The following TUSC3 variants were observed in gnomAD, a reference collection of about 807,000 sequenced individuals.
The protein encoded by TUSC3 is dolichyl-diphosphooligosaccharide--protein glycosyltransferase subunit TUSC3.
In TUSC3, 45 loss-of-function variants were observed where a neutral mutation model predicts 44.8. The observed-to-expected ratio is 1.00, with a 90% confidence interval of 0.79 to 1.29. The LOEUF (loss-of-function observed/expected upper bound fraction) is 1.29. TUSC3 is among the 50% of genes most tolerant of loss of function. TUSC3 has a pLI of 0.00. For synonymous variants in TUSC3, 212 were observed against 152.9 expected (o/e 1.39, Z -2.85); for missense variants, 519 against 437.9 (o/e 1.19, Z -1.65).
chr8:15,707,869 G>A (rs1018519637), intron 6 of TUSC3, among the ~76,000 whole-genome samples: 1 of 151,794 alleles, frequency 6.6e-6, no homozygotes, highest in Admixed American at 6.6e-5. Flanking sequence ...TTTTTTTGGA[G>A]GTTCTAAGGA....
intron 9 of TUSC3, chr8:15,748,717 T>G (rs1439353131): frequency 1.1e-5 from 7 of 617,396 alleles, no homozygotes; most frequent in Non-Finnish European, 1.8e-5. Context: ...ACAAATGAGG[T>G]TTAAGCTCAT....
At chr8:15,473,439 C>A (rs1800523235) in intron 1 of TUSC3, among the ~76,000 whole-genome samples, 1 of 152,182 alleles carries the variant, frequency 6.6e-6, no homozygotes, top group African/African-American at 2.4e-5. Flanking sequence ...ATTTGCTCTT[C>A]AACTTGAAGT....
Position 15,766,515 on chromosome 8 carries a change from G to C in TUSC3, c.*2359G>C, listed in dbSNP as rs1812330406. On this transcript the variant is annotated 3_prime_UTR_variant, in exon 11 of 11. Transcript: ENST00000503731. ...TAACAATTGTTTTTCTACTACAGTG[G>C]AGAGAAAAATCCCAATTATAAAATT... 7.1e-6 allele frequency: 1 copy of C among 141,720 alleles called. No individual in the cohort carries two copies. The allele number at this position is 141,720 out of a possible 1,614,324, so 8.8% of individuals were successfully genotyped here.
At chr8:15,690,298 T>A (rs969993300) in intron 6 of TUSC3, among the ~76,000 whole-genome samples, 1 of 152,180 alleles carries the variant, frequency 6.6e-6, no homozygotes, top group African/African-American at 2.4e-5. Flanking sequence ...GTGGGCCACA[T>A]GTATGTCTGC....
At chr8:15,424,617 A>T (rs1276032025) in intron 1 of TUSC3, among the ~76,000 whole-genome samples, 1 of 152,164 alleles carries the variant, frequency 6.6e-6, no homozygotes, top group African/African-American at 2.4e-5. Context: ...GCGGTGGCTT[A>T]CGCCTGTAAT....
chr8:15,591,158 G>A (rs1031267576), intron 1 of TUSC3, among the ~76,000 whole-genome samples: 1 of 152,056 alleles, frequency 6.6e-6, no homozygotes, highest in Non-Finnish European at 1.5e-5. Context: ...AATATTTGAA[G>A]ATTTAAAAGT....
In TUSC3 at chr8:15,551,285, G is replaced by C. The variant is rs568786952; in HGVS notation, c.138+10717G>C. On this transcript the variant is annotated intron_variant, in intron 1 of 10. Transcript: ENST00000503731. ...AGAGTAGACTTTTAGATCCTTTCTA[G>C]ATTTTTAAGATTATATAAAATATGG... is the stretch of plus-strand genomic sequence containing the variant. Among the ~76,000 whole-genome samples, 17 of 151,696 alleles carry C rather than the reference G, an allele frequency of 1.1e-4. 1 individual carries two copies. In the South Asian group the frequency reaches 3.1e-3, roughly 28 times the overall value.
At chr8:15,496,341 C>T (rs374576977) in intron 2 of TUSC3, among the ~76,000 whole-genome samples, 4 of 152,164 alleles carry the variant, frequency 2.6e-5, no homozygotes, top group African/African-American at 4.8e-5. Context: ...AATTATTCCA[C>T]GCCTCTAGGG....
intron 9 of TUSC3, among the ~76,000 whole-genome samples, chr8:15,756,146 G>A (rs1433012943): frequency 6.6e-6 from 1 of 152,186 alleles, no homozygotes; most frequent in African/African-American, 2.4e-5. Flanking sequence ...CTGTGTATTA[G>A]CTAGAGCTCT....
the TUSC3 span, among the ~76,000 whole-genome samples, chr8:15,827,461 CTG>C: frequency 1.3e-5 from 2 of 152,000 alleles, no homozygotes; most frequent in Admixed American, 1.3e-4. Context: ...TTGGGTTTTG[CTG>C]TGTGATAGAC....
the TUSC3 span, among the ~76,000 whole-genome samples, chr8:15,833,875 A>G: frequency 6.6e-6 from 1 of 152,062 alleles, no homozygotes; most frequent in Non-Finnish European, 1.5e-5. Context: ...AGTGTGAGAT[A>G]TAAACTCAAT....
At chr8:15,770,591 A>T (rs2129227153), downstream of TUSC3, among the ~76,000 whole-genome samples, 1 of 152,238 alleles carries the variant, frequency 6.6e-6, no homozygotes, top group Non-Finnish European at 1.5e-5. Context: ...ATAAATTCCG[A>T]TGTTGAAAAA....
chr8:15,745,513 G>GTATC (rs2129215744), intron 8 of TUSC3, among the ~76,000 whole-genome samples: 1 of 152,006 alleles, frequency 6.6e-6, no homozygotes, highest in South Asian at 2.1e-4. Context: ...GAGTGAGATG[G>GTATC]TATCTCATTG....
At chr8:15,710,174 A>G (rs1809784934) in intron 6 of TUSC3, among the ~76,000 whole-genome samples, 1 of 151,732 alleles carries the variant, frequency 6.6e-6, no homozygotes, top group Non-Finnish European at 1.5e-5. Flanking sequence ...GGCTAGAATC[A>G]TCCTATGATG....
At chr8:15,426,100 T>C (rs995240234) in intron 1 of TUSC3, among the ~76,000 whole-genome samples, 6 of 152,240 alleles carry the variant, frequency 3.9e-5, no homozygotes, top group African/African-American at 1.2e-4. Context: ...TTAGGTGTAA[T>C]TGACAGAGAG....
the TUSC3 span, among the ~76,000 whole-genome samples, chr8:15,811,512 A>G: frequency 1.3e-5 from 2 of 152,194 alleles, no homozygotes; most frequent in Non-Finnish European, 2.9e-5. Context: ...GCCAGCTGTC[A>G]AGGAGACTGG....
intron 6 of TUSC3, among the ~76,000 whole-genome samples, chr8:15,708,476 A>G (rs1013293175): frequency 6.6e-6 from 1 of 151,962 alleles, no homozygotes; most frequent in African/African-American, 2.4e-5. Context: ...GTAACATATA[A>G]TGGCTTCCTA....
chr8:15,770,843 A>G (rs1812429764), downstream of TUSC3, among the ~76,000 whole-genome samples: 1 of 152,184 alleles, frequency 6.6e-6, no homozygotes, highest in Non-Finnish European at 1.5e-5. Context: ...AAGGACAGAA[A>G]AGAGTACCCG....
At chr8:15,848,883 C>T in the TUSC3 span, among the ~76,000 whole-genome samples, 1 of 152,164 alleles carries the variant, frequency 6.6e-6, no homozygotes, top group African/African-American at 2.4e-5. Context: ...AATTGTAGAA[C>T]TAATCTAGTG....
Sources: allele counts gnomAD v4.1 joint callset (sites outside exome capture counted in the v4.1 genomes callset), GRCh38; gene constraint gnomAD v4.1.1; transcripts MANE v1.5; gene names NCBI Gene and HGNC (gene_info 2026-07-23, HGNC 2026-07-21).